Variants in SYT16 observed in about 807,000 individuals in gnomAD.
The protein encoded by SYT16 is synaptotagmin-16.
In SYT16, 42 loss-of-function variants were observed where a neutral mutation model predicts 61.4. The ratio of observed to expected loss-of-function variants is 0.68; its 90% confidence interval spans 0.53 to 0.89. The LOEUF is 0.89. SYT16 is among the 40% of genes least tolerant of loss of function. The probability of loss-of-function intolerance (pLI) is 0.00; values close to 1 mark genes in which losing one functional copy is unlikely to be tolerated. For missense variants in SYT16, 804 were observed against 807.3 expected, an observed-to-expected ratio of 1.00 and a Z score of 0.05; for synonymous variants, 314 against 302.3, an observed-to-expected ratio of 1.04 and a Z score of -0.40.
chr14:61,953,379 T>G (rs1405630141), intron 1 of SYT16, among the ~76,000 whole-genome samples: 2 of 152,304 alleles, frequency 1.3e-5, no homozygotes, highest in South Asian at 2.1e-4. Flanking sequence ...CAAATTTTTT[T>G]TTTTAATCTC....
At chr14:62,030,337 A>G (rs902258400) in intron 3 of SYT16, among the ~76,000 whole-genome samples, 1 of 152,220 alleles carries the variant, frequency 6.6e-6, no homozygotes, top group Non-Finnish European at 1.5e-5. Flanking sequence ...AAAGTGTTTT[A>G]AACAGAACTT....
intron 3 of SYT16, among the ~76,000 whole-genome samples, chr14:62,038,757 A>G (rs762527243): frequency 2.0e-5 from 3 of 152,188 alleles, no homozygotes; most frequent in Non-Finnish European, 2.9e-5. Context: ...AGAATCAGAA[A>G]GGGCTCACCC....
intron 1 of SYT16, among the ~76,000 whole-genome samples, chr14:61,854,254 A>G (rs2046708078): frequency 1.3e-5 from 2 of 152,220 alleles, no homozygotes; most frequent in East Asian, 1.9e-4. Context: ...GAATTAAGGT[A>G]TTTATATATC....
intron 7 of SYT16, among the ~76,000 whole-genome samples, chr14:62,088,367 C>T (rs1413236434): frequency 6.6e-6 from 1 of 152,096 alleles, no homozygotes; most frequent in African/African-American, 2.4e-5. Flanking sequence ...AGAAATTCTG[C>T]AGTAAGCAAA....
chr14:62,102,091 C>T lies in SYT16; in HGVS notation c.*1384C>T, dbSNP rs2057430676. ...CTCTTCTGAGCAATTGCTCAGTCAC[C>T]TATTTTTAGTTTCTATGTTTCATTG... On this transcript the variant is annotated 3_prime_UTR_variant, in exon 8 of 8. Coordinates refer to ENST00000683842, the MANE Select transcript of SYT16 (RefSeq NM_001367656.1). 1 of 152,178 alleles carries T rather than the reference C, an allele frequency of 6.6e-6. No homozygotes were observed. Among genetic ancestry groups the T allele is most frequent in the Admixed American group, 6.5e-5 (1 of 15,276 alleles). 9.4% of individuals were successfully genotyped at this position (152,178 alleles called of 1,614,324 possible). A position where few individuals can be genotyped will look rare whatever the true frequency, so the allele number is the denominator to read the frequency against.
At chr14:61,931,647 ATTGAAC>A (rs1311465008) in intron 1 of SYT16, among the ~76,000 whole-genome samples, 1 of 152,208 alleles carries the variant, frequency 6.6e-6, no homozygotes, top group African/African-American at 2.4e-5. Flanking sequence ...CCTGTCTCAT[ATTGAAC>A]TTTTAGGTTG....
chr14:61,854,077 T>TAC (rs958168050), intron 1 of SYT16, among the ~76,000 whole-genome samples: 1 of 152,222 alleles, frequency 6.6e-6, no homozygotes, highest in East Asian at 1.9e-4. Flanking sequence ...ATTAGGTTGA[T>TAC]ACACACACAC....
intron 1 of SYT16, among the ~76,000 whole-genome samples, chr14:61,941,669 T>C (rs908135606): frequency 3.3e-5 from 5 of 152,204 alleles, no homozygotes; most frequent in Admixed American, 6.5e-5. Flanking sequence ...GGAATCTCTC[T>C]TTTCTTCTTA....
rs567859735 is a variant in SYT16 at position 62,106,102 on chromosome 14, T to C, written c.*5395T>C. The C allele has an allele frequency of 6.6e-6, 1 of 152,312 alleles. No homozygotes were observed. The highest frequency in any genetic ancestry group is 1.5e-5 in the Non-Finnish European group (1 of 68,020). The allele number at this position is 152,312 out of a possible 1,614,324, so 9.4% of individuals were successfully genotyped here. On this transcript the variant is annotated 3_prime_UTR_variant, in exon 8 of 8. Coordinates refer to ENST00000683842, the MANE Select transcript of SYT16 (RefSeq NM_001367656.1). ...TTTCAGAGCATCCCTCTAAATCAAG[T>C]CTGGAGAATTATGTGAAGGTTGTTT... is the stretch of plus-strand genomic sequence containing the variant.
intron 1 of SYT16, among the ~76,000 whole-genome samples, chr14:61,890,851 A>G (rs1397654094): frequency 1.5e-4 from 23 of 152,182 alleles, no homozygotes; most frequent in Admixed American, 1.5e-3. Flanking sequence ...GAGGAAAATT[A>G]GCATGGCTGG....
intron 3 of SYT16, among the ~76,000 whole-genome samples, chr14:62,044,449 C>G (rs376902002): frequency 6.6e-6 from 1 of 152,108 alleles, no homozygotes; most frequent in Non-Finnish European, 1.5e-5. Context: ...TCTCCCTCCC[C>G]TTGCCTCCCC....
chr14:61,928,229 G>A (rs2049613503), intron 1 of SYT16, among the ~76,000 whole-genome samples: 1 of 152,140 alleles, frequency 6.6e-6, no homozygotes, highest in African/African-American at 2.4e-5. Context: ...GTGGGAAGGT[G>A]GGGAAGGGAT....
chr14:61,986,509 T>G (rs2052322221), intron 2 of SYT16, among the ~76,000 whole-genome samples: 2 of 151,590 alleles, frequency 1.3e-5, no homozygotes, highest in African/African-American at 4.8e-5. Flanking sequence ...CATGCAGGTT[T>G]GTTACATATG....
chr14:61,815,753 G>A (rs1162337502), intron 1 of SYT16, among the ~76,000 whole-genome samples: 2 of 152,118 alleles, frequency 1.3e-5, no homozygotes, highest in African/African-American at 4.8e-5. Context: ...ATAAAGTGGT[G>A]GTACTTGGGT....
chr14:61,834,165 C>A (rs1485049243), intron 1 of SYT16, among the ~76,000 whole-genome samples: 1 of 152,012 alleles, frequency 6.6e-6, no homozygotes, highest in Non-Finnish European at 1.5e-5. Flanking sequence ...GAGTCTCCCA[C>A]TGTCGCCTGG....
intron 1 of SYT16, among the ~76,000 whole-genome samples, chr14:61,879,779 C>G (rs2047631310): frequency 6.6e-6 from 1 of 152,166 alleles, no homozygotes; most frequent in South Asian, 2.1e-4. Context: ...GAGAAAAATG[C>G]ATAATTGTGC....
At chr14:62,049,844 G>A (rs1423333018) in intron 3 of SYT16, among the ~76,000 whole-genome samples, 1 of 152,210 alleles carries the variant, frequency 6.6e-6, no homozygotes, top group Admixed American at 6.5e-5. Flanking sequence ...GAGATCAGCT[G>A]TTAGTCTGAT....
chr14:61,880,513 G>T (rs1223794675), intron 1 of SYT16, among the ~76,000 whole-genome samples: 1 of 152,070 alleles, frequency 6.6e-6, no homozygotes, highest in Non-Finnish European at 1.5e-5. Flanking sequence ...AATCCTGTTG[G>T]GGTTTTGATT....
intron 3 of SYT16, among the ~76,000 whole-genome samples, chr14:62,002,677 G>A (rs1330636983): frequency 6.6e-6 from 1 of 152,032 alleles, no homozygotes; most frequent in Non-Finnish European, 1.5e-5. Context: ...CCCTTCCCCA[G>A]GGATAGAAGT....
Sources: allele counts gnomAD v4.1 joint callset (sites outside exome capture counted in the v4.1 genomes callset), GRCh38; gene constraint gnomAD v4.1.1; transcripts MANE v1.5; gene names NCBI Gene and HGNC (gene_info 2026-07-23, HGNC 2026-07-21).